CNIH3: variants seen among roughly 807,000 people sequenced by gnomAD.
The protein encoded by CNIH3 is protein cornichon homolog 3.
CNIH3 carries 14 observed loss-of-function variants against 24.1 expected under a neutral mutation model. The ratio of observed to expected loss-of-function variants is 0.58; its 90% CI spans 0.38 to 0.91. The LOEUF (loss-of-function observed/expected upper bound fraction) is 0.91. Ranked by LOEUF, CNIH3 falls within the 40% of genes least tolerant of loss-of-function variation. The pLI, the probability that CNIH3 is intolerant of heterozygous loss-of-function variation, is 0.00. For synonymous variants in CNIH3, 68 were observed against 73.8 expected, an observed-to-expected ratio of 0.92 and a Z score of 0.40; for missense variants, 178 against 196.8, an observed-to-expected ratio of 0.90 and a Z score of 0.57.
intron 1 of CNIH3, among the ~76,000 whole-genome samples, chr1:224,519,130 G>A (rs2786556): frequency 0.024 from 3,645 of 152,248 alleles, 147 homozygotes; most frequent in African/African-American, 0.082. Flanking sequence ...TATGGTTATC[G>A]TATTCGTCTG....
chr1:224,679,579 C>G (rs1170698529), intron 1 of CNIH3, among the ~76,000 whole-genome samples: 1 of 152,152 alleles, frequency 6.6e-6, no homozygotes. Flanking sequence ...TTTCTTGTTA[C>G]TGAAGCGTTT....
intron 1 of CNIH3, among the ~76,000 whole-genome samples, chr1:224,644,362 C>G (rs1000582269): frequency 2.4e-4 from 36 of 151,972 alleles, no homozygotes; most frequent in African/African-American, 7.7e-4. Flanking sequence ...AGGGGTGTGC[C>G]TCCACGCCCA....
At chr1:224,611,904 T>C (rs1682719699), upstream of CNIH3, among the ~76,000 whole-genome samples, 1 of 152,186 alleles carries the variant, frequency 6.6e-6, no homozygotes, top group African/African-American at 2.4e-5. Context: ...GACACTAAAA[T>C]ATTTTGAAAT....
chr1:224,514,717 G>A (rs192745666), upstream of CNIH3, among the ~76,000 whole-genome samples: 2 of 152,268 alleles, frequency 1.3e-5, no homozygotes, highest in East Asian at 3.9e-4. Context: ...TGTAGTCCCA[G>A]CCACTTGGGA....
At chr1:224,595,709 G>A (rs560163795) in intron 3 of CNIH3, among the ~76,000 whole-genome samples, 1 of 152,328 alleles carries the variant, frequency 6.6e-6, no homozygotes, top group South Asian at 2.1e-4. Context: ...ATGCAAAGGT[G>A]AAGTTCTTGA....
chr1:224,541,145 G>A (rs1679495986), downstream of CNIH3, among the ~76,000 whole-genome samples: 1 of 152,116 alleles, frequency 6.6e-6, no homozygotes, highest in African/African-American at 2.4e-5. Flanking sequence ...TATTAAGAAA[G>A]GTTTTCATTT....
intron 1 of CNIH3, among the ~76,000 whole-genome samples, chr1:224,438,075 G>T (rs1674744127): frequency 1.3e-5 from 2 of 151,936 alleles, no homozygotes; most frequent in Admixed American, 6.6e-5. Flanking sequence ...ACCACACCCG[G>T]CTAATTTTTT....
At chr1:224,693,006 A>G (rs186912717) in intron 3 of CNIH3, among the ~76,000 whole-genome samples, 16 of 152,304 alleles carry the variant, frequency 1.1e-4, no homozygotes, top group African/African-American at 3.4e-4. Context: ...ATTTCATTTA[A>G]CTTCTTGGTA....
At chr1:224,640,686 C>T (rs1192390475) in intron 1 of CNIH3, among the ~76,000 whole-genome samples, 1 of 152,146 alleles carries the variant, frequency 6.6e-6, no homozygotes, top group Admixed American at 6.5e-5. Flanking sequence ...AGCCCTTCAC[C>T]GGCTCTCTGG....
At chr1:224,498,134 T>A (rs924678379) in intron 1 of CNIH3, among the ~76,000 whole-genome samples, 6 of 152,230 alleles carry the variant, frequency 3.9e-5, no homozygotes, top group African/African-American at 1.4e-4. Flanking sequence ...TCAGGGCCCA[T>A]CTGGCCTCCT....
chr1:224,640,857 C>T (rs7521396), intron 1 of CNIH3, among the ~76,000 whole-genome samples: 89,126 of 151,982 alleles, frequency 0.59, 28,587 homozygotes, highest in African/African-American at 0.85. Flanking sequence ...AGGGGCTGTT[C>T]GGGGCAGGCT....
intron 3 of CNIH3, among the ~76,000 whole-genome samples, chr1:224,562,676 G>A (rs139372647): frequency 6.6e-6 from 1 of 152,198 alleles, no homozygotes; most frequent in African/African-American, 2.4e-5. Flanking sequence ...ATGAGTGAGT[G>A]CTCACTCTAC....
At chr1:224,724,924 T>A (rs978153002) in intron 3 of CNIH3, among the ~76,000 whole-genome samples, 1 of 152,144 alleles carries the variant, frequency 6.6e-6, no homozygotes, top group African/African-American at 2.4e-5. Flanking sequence ...AAAATAATAA[T>A]GACCGGCCAG....
At chr1:224,557,197 T>A (rs9661679) in intron 3 of CNIH3, among the ~76,000 whole-genome samples, 9,111 of 152,076 alleles carry the variant, frequency 0.06, 925 homozygotes, top group African/African-American at 0.21. Context: ...TGCATCACCA[T>A]GCCTGGCTAA....
intron 3 of CNIH3, among the ~76,000 whole-genome samples, chr1:224,593,848 T>C (rs1247345375): frequency 6.6e-6 from 1 of 152,216 alleles, no homozygotes; most frequent in African/African-American, 2.4e-5. Context: ...AGATAATAGA[T>C]GGCTTCTGTG....
intron 1 of CNIH3, among the ~76,000 whole-genome samples, chr1:224,636,115 G>T (rs1377455968): frequency 1.3e-5 from 2 of 152,222 alleles, no homozygotes; most frequent in African/African-American, 4.8e-5. Flanking sequence ...GCTTAACCAG[G>T]AGCAGCTGTG....
chr1:224,714,184 AG>A (rs1688307116), intron 3 of CNIH3, among the ~76,000 whole-genome samples: 4 of 152,238 alleles, frequency 2.6e-5, no homozygotes, highest in Admixed American at 2.6e-4. Flanking sequence ...AGCCTCTACA[AG>A]GCCTGCGCTC....
At chr1:224,692,632 C>T (rs1417253235) in intron 3 of CNIH3, among the ~76,000 whole-genome samples, 4 of 152,104 alleles carry the variant, frequency 2.6e-5, no homozygotes, top group Non-Finnish European at 5.9e-5. Context: ...AGTATTAACT[C>T]CTTTAATCTC....
At chr1:224,532,822 T>C (rs1679126925) in intron 2 of CNIH3, among the ~76,000 whole-genome samples, 1 of 152,214 alleles carries the variant, frequency 6.6e-6, no homozygotes, top group Non-Finnish European at 1.5e-5. Flanking sequence ...AGGTTGACTG[T>C]TTCGCAGCTT....
Sources: allele counts gnomAD v4.1 joint callset (sites outside exome capture counted in the v4.1 genomes callset), GRCh38; gene constraint gnomAD v4.1.1; transcripts MANE v1.5; gene names NCBI Gene and HGNC (gene_info 2026-07-23, HGNC 2026-07-21).